ELAVL2: variants seen among roughly 807,000 people sequenced by gnomAD.
ELAVL2 encodes ELAV-like protein 2.
A neutral mutation model predicts 34.6 loss-of-function variants in ELAVL2; 4 were observed. The observed-to-expected ratio is 0.12, with a 90% CI of 0.06 to 0.26. ELAVL2 has a LOEUF of 0.26. Among genes scored for constraint, ELAVL2 ranks in the 10% least tolerant of loss-of-function variants. The pLI, the probability that ELAVL2 is intolerant of heterozygous loss-of-function variation, is 1.00. For missense variants in ELAVL2, 432 were observed against 442.8 expected (o/e 0.98, Z 0.22); for synonymous variants, 193 against 154.8 (o/e 1.25, Z -1.83).
chr9:23,830,003 C>G (rs1320739176), upstream of ELAVL2: 2 of 152,170 alleles, frequency 1.3e-5, no homozygotes, highest in East Asian at 3.8e-4. Flanking sequence ...GACTTAGAGC[C>G]CCGAACTCGC....
Position 23,776,739 on chromosome 9 carries a change from C to CAAA in ELAVL2, c.-15-14493_-15-14491dup, listed in dbSNP as rs34583759. On this transcript the variant is annotated intron_variant, in intron 1 of 6. Coordinates refer to ENST00000397312, the MANE Select transcript of ELAVL2 (RefSeq NM_004432.5). ...TGACCTATGCTAAATAGTTTGCTAT[C>CAAA]AAAAAAAAAAAAAAAAAAAAAAAGA... Among the ~76,000 whole-genome samples the CAAA allele has an allele frequency of 1.0e-3, 81 of 77,444 alleles. 1 individual carries two copies. The highest frequency in any genetic ancestry group is 5.9e-3 in the East Asian group (16 of 2,716). 50.8% of individuals were successfully genotyped at this position (77,444 alleles called of 152,430 possible).
chr9:23,804,888 T>C (rs780476669), intron 1 of ELAVL2, among the ~76,000 whole-genome samples: 5 of 152,230 alleles, frequency 3.3e-5, no homozygotes, highest in Non-Finnish European at 7.3e-5. Context: ...GAAATGAGAC[T>C]GCTGTTCAAC....
the ELAVL2 span, among the ~76,000 whole-genome samples, chr9:23,850,410 TG>T: frequency 6.6e-6 from 1 of 152,062 alleles, no homozygotes; most frequent in Non-Finnish European, 1.5e-5. Context: ...ACTTGAGGTC[TG>T]GGGTTGGCTG....
intron 2 of ELAVL2, among the ~76,000 whole-genome samples, chr9:23,736,282 AAAAAC>A (rs2047870651): frequency 6.6e-6 from 1 of 152,208 alleles, no homozygotes; most frequent in Admixed American, 6.5e-5. Flanking sequence ...TGTATTTAAA[AAAAAC>A]AAGAGTCACC....
At chr9:23,800,205 C>G (rs1357866241) in intron 1 of ELAVL2, among the ~76,000 whole-genome samples, 1 of 152,166 alleles carries the variant, frequency 6.6e-6, no homozygotes, top group African/African-American at 2.4e-5. Context: ...TTCTGTAGGT[C>G]AGACATCGAA....
intron 2 of ELAVL2, among the ~76,000 whole-genome samples, chr9:23,731,804 T>C (rs796984786): frequency 5.6e-4 from 85 of 151,866 alleles, no homozygotes; most frequent in Admixed American, 2.7e-3. Flanking sequence ...AAAGAAGAAA[T>C]AGAACATAAA....
intron 1 of ELAVL2, among the ~76,000 whole-genome samples, chr9:23,787,616 A>G (rs900639119): frequency 7.9e-5 from 12 of 152,116 alleles, no homozygotes; most frequent in Non-Finnish European, 1.5e-4. Context: ...AAACCTGCCA[A>G]TGTGGGTCTA....
At chr9:23,816,339 AAAAAAAAG>A (rs1284144713) in intron 1 of ELAVL2, among the ~76,000 whole-genome samples, 19 of 149,836 alleles carry the variant, frequency 1.3e-4, no homozygotes, top group East Asian at 3.9e-4. Context: ...AAAAAAAAAA[AAAAAAAAG>A]GGGATAAAAA....
chr9:23,831,274 G>A (rs2065492468), upstream of ELAVL2, among the ~76,000 whole-genome samples: 1 of 151,982 alleles, frequency 6.6e-6, no homozygotes, highest in Admixed American at 6.6e-5. Flanking sequence ...AGGGCGCTCC[G>A]CACGCCGCCC....
chr9:23,819,031 T>A (rs2064138744), intron 1 of ELAVL2, among the ~76,000 whole-genome samples: 1 of 152,184 alleles, frequency 6.6e-6, no homozygotes, highest in African/African-American at 2.4e-5. Flanking sequence ...CTTTGCTGTG[T>A]CCTTAAAGAG....
At chr9:23,817,819 G>A (rs952513229) in intron 1 of ELAVL2, among the ~76,000 whole-genome samples, 1 of 152,018 alleles carries the variant, frequency 6.6e-6, no homozygotes, top group African/African-American at 2.4e-5. Flanking sequence ...ATTTTATTAC[G>A]CAAACTTTGA....
chr9:23,761,967 G>T (rs376026078), intron 2 of ELAVL2, 39 bp downstream of exon 2: 1 of 1,561,216 alleles, frequency 6.4e-7, no homozygotes, highest in South Asian at 1.2e-5. Context: ...CTTGAGACAC[G>T]ATCCGTTAAA....
chr9:23,732,639 T>C (rs536776773), intron 2 of ELAVL2, among the ~76,000 whole-genome samples: 20 of 152,306 alleles, frequency 1.3e-4, no homozygotes, highest in Middle Eastern at 3.4e-3. Flanking sequence ...CCTATTGTCA[T>C]TGAGTAGAAT....
At chr9:23,740,159 G>A (rs894040580) in intron 2 of ELAVL2, among the ~76,000 whole-genome samples, 5 of 151,982 alleles carry the variant, frequency 3.3e-5, no homozygotes, top group South Asian at 2.1e-4. Context: ...TAAGTTTGTC[G>A]GGGAAAAATG....
intron 2 of ELAVL2, among the ~76,000 whole-genome samples, chr9:23,731,364 AG>A: frequency 6.6e-6 from 1 of 152,114 alleles, no homozygotes; most frequent in East Asian, 1.9e-4. Flanking sequence ...ACATCCCCAA[AG>A]GATTCCACCA....
At chr9:23,700,479 T>G (rs1437763497) in intron 5 of ELAVL2, among the ~76,000 whole-genome samples, 2 of 152,206 alleles carry the variant, frequency 1.3e-5, no homozygotes, top group Non-Finnish European at 2.9e-5. Flanking sequence ...GTCAGTGAGA[T>G]AGAGTGTCTT....
rs190712251 is a variant in ELAVL2 at position 23,783,446 on chromosome 9, A to G, written c.-15-21197T>C. ...ATGAAAAACTGGTACAATTCTGCAC[A>G]ACTACAAAGTGGCCATGCACTAACC... On this transcript the variant is annotated intron_variant, in intron 1 of 6. Coordinates refer to ENST00000397312, the MANE Select transcript of ELAVL2 (RefSeq NM_004432.5). 9 of 985,396 alleles carry G rather than the reference A, an allele frequency of 9.1e-6. No individual in the cohort carries two copies. The East Asian group carries it at 7.9e-4, about 87-fold the overall frequency. The allele number at this position is 985,396 out of a possible 1,614,324, so 61.0% of individuals were successfully genotyped here.
chr9:23,785,206 G>A (rs2136983348), intron 1 of ELAVL2, among the ~76,000 whole-genome samples: 3 of 152,288 alleles, frequency 2.0e-5, no homozygotes, highest in Admixed American at 2.0e-4. Context: ...GGTTGAGGCA[G>A]TAGAGGGAGC....
chr9:23,767,188 AC>A (rs1564366702), intron 1 of ELAVL2, among the ~76,000 whole-genome samples: 1 of 152,204 alleles, frequency 6.6e-6, no homozygotes, highest in Admixed American at 6.5e-5. Flanking sequence ...ACACACAGGT[AC>A]TTCCAAAAAG....
Sources: allele counts gnomAD v4.1 joint callset (sites outside exome capture counted in the v4.1 genomes callset), GRCh38; gene constraint gnomAD v4.1.1; transcripts MANE v1.5; gene names NCBI Gene and HGNC (gene_info 2026-07-23, HGNC 2026-07-21).